Variants in CCDC180 observed in about 807,000 individuals in gnomAD.
CCDC180 encodes coiled-coil domain-containing protein 180.
Under a neutral mutation model 209.2 loss-of-function variants are expected in CCDC180, and 154 were observed. The observed-to-expected ratio is 0.74, with a 90% CI of 0.65 to 0.84. CCDC180 has a LOEUF of 0.84. Ranked by LOEUF, CCDC180 falls within the 40% of genes least tolerant of loss-of-function variation. CCDC180 has a pLI of 0.00. For synonymous variants in CCDC180, 778 were observed against 749.1 expected (o/e 1.04, Z -0.63); for missense variants, 1,874 against 1,997.3 (o/e 0.94, Z 1.18).
In CCDC180 at chr9:97,366,545, AC is replaced by A. The variant is rs1247365125; in HGVS notation, c.4048-11del. 5 of 1,613,040 alleles carry A rather than the reference AC, an allele frequency of 3.1e-6. No homozygotes were observed. The highest frequency in any genetic ancestry group is 4.2e-6 in the Non-Finnish European group (5 of 1,179,556). ...ATGGAGTCCTCACCCGCACATGGTC[AC>A]CCTCTCTGGCAGGAGTTCTACCGTA... On this transcript the variant is annotated splice_polypyrimidine_tract_variant and intron_variant, in intron 30 of 36. Transcript: ENST00000529487. This position sits in a 1 kb window ranked among gnomAD's most constrained non-coding sequence, Gnocchi z 4.3.
chr9:97,315,680 A>G (rs1002568554), intron 8 of CCDC180, among the ~76,000 whole-genome samples: 1 of 152,194 alleles, frequency 6.6e-6, no homozygotes, highest in African/African-American at 2.4e-5. Flanking sequence ...CTGGCAGCAC[A>G]GTAGGCTGAA....
chr9:97,314,363 C>G, intron 5 of CCDC180, 30 bp from the exon 6 acceptor site: 1 of 1,613,502 alleles, frequency 6.2e-7, no homozygotes, highest in Non-Finnish European at 8.5e-7. Flanking sequence ...GTGCTGATGC[C>G]TTGGCCATCA....
At position 97,309,592 on chromosome 9, in the gene CCDC180, C is replaced by G. The variant is rs1482618527; in HGVS notation, c.248C>G (p.Pro83Arg). The change falls in exon 3 of 37, where the codon CCT (proline) becomes CGT (arginine). Residue 83 changes from proline to arginine, a missense_variant. Physicochemically the swap from Pro to Arg is moderately radical, Grantham distance 103. Transcript: ENST00000529487. Reference sequence around the variant, plus strand: ...CCCAACGACTGGATCATGGAAAACCCTGTTCTCCACAGGTAGGTCCTGTTG... The same window carrying G: ...CCCAACGACTGGATCATGGAAAACCGTGTTCTCCACAGGTAGGTCCTGTTG... ...SLPNDWIMEN[P>R]VLHREKERAK... 6.3e-7 allele frequency: 1 copy of G among 1,584,250 alleles called. No individual in the cohort carries two copies. The highest frequency in any genetic ancestry group is 1.2e-5 in the South Asian group (1 of 86,384).
intron 11 of CCDC180, 43 bp from the exon 12 acceptor site, chr9:97,322,790 C>T: frequency 6.4e-7 from 1 of 1,567,374 alleles, no homozygotes; most frequent in East Asian, 2.2e-5. Flanking sequence ...TTCTAATCTT[C>T]TCTTCCTTCT....
At position 97,309,459 on chromosome 9, in the gene CCDC180, G is replaced by T. The variant is rs763115795; in HGVS notation, c.115G>T (p.Glu39Ter). 6.2e-7 allele frequency: 1 copy of T among 1,605,014 alleles called. No homozygotes were observed. Among genetic ancestry groups the T allele is most frequent in the Non-Finnish European group, 8.5e-7 (1 of 1,175,986 alleles). The change falls in exon 3 of 37, where the codon GAG becomes TAG. Residue 39 changes from glutamate (E) to a stop codon, truncating the protein, a stop_gained. Coordinates refer to ENST00000529487, the MANE Select transcript of CCDC180 (RefSeq NM_020893.6). LOFTEE classifies it high-confidence loss of function. ...SLAATRKRAA[E>*]RSVTLKSGRI... ...GGCGGCCACCAGGAAGCGGGCTGCA[G>T]AGCGTTCTGTGACCCTGAAGAGTGG...
chr9:97,313,426 C>T, intron 5 of CCDC180, 81 bp downstream of exon 5: 1 of 931,592 alleles, frequency 1.1e-6, no homozygotes, highest in Non-Finnish European at 1.7e-6. Context: ...GCCTTCCTCC[C>T]CCTCTCCAGC....
chr9:97,344,776 T>C (rs916714776), intron 19 of CCDC180, among the ~76,000 whole-genome samples: 2 of 152,188 alleles, frequency 1.3e-5, no homozygotes, highest in Admixed American at 1.3e-4. Context: ...TTCATAAAAG[T>C]ATGAAAATCA....
intron 24 of CCDC180, among the ~76,000 whole-genome samples, chr9:97,356,606 G>A (rs1378482155): frequency 6.6e-6 from 1 of 152,208 alleles, no homozygotes; most frequent in African/African-American, 2.4e-5. Context: ...CCAGGGAGCA[G>A]AGCCCACGGC....
intron 6 of CCDC180, 43 bp downstream of exon 6, chr9:97,314,564 G>A: frequency 6.2e-7 from 1 of 1,613,488 alleles, no homozygotes; most frequent in Non-Finnish European, 8.5e-7. Flanking sequence ...CCCAGGTCCT[G>A]CTTCTTCCCT....
intron 22 of CCDC180, among the ~76,000 whole-genome samples, chr9:97,353,738 G>C (rs1826487358): frequency 6.6e-6 from 1 of 152,214 alleles, no homozygotes; most frequent in African/African-American, 2.4e-5. Flanking sequence ...TCTAGTTTGT[G>C]TGATGAATTT....
At position 97,327,426 on chromosome 9, in the gene CCDC180, A is replaced by G. The variant is rs1587796448; in HGVS notation, c.1662-594A>G. 3.9e-5 allele frequency among the ~76,000 whole-genome samples: 6 copies of G among 152,318 alleles called. No individual in the cohort carries two copies. The South Asian group carries it at 1.2e-3, about 32-fold the overall frequency. On this transcript the variant is annotated intron_variant, in intron 15 of 36. Transcript: ENST00000529487. Reference sequence around the variant, plus strand: ...CCTTGTAGCATTCATTAATGTAGATACTTCATAATGGTTTAGCAATCCCTC... The same window carrying G: ...CCTTGTAGCATTCATTAATGTAGATGCTTCATAATGGTTTAGCAATCCCTC...
chr9:97,314,249 T>C, intron 5 of CCDC180, 144 bp from the exon 6 acceptor site: 1 of 875,506 alleles, frequency 1.1e-6, no homozygotes, highest in Non-Finnish European at 1.8e-6. Flanking sequence ...GTGAGCTGAG[T>C]AGTGAGCCTC....
In CCDC180 at chr9:97,361,864, G is replaced by A. The variant is rs1310616502; in HGVS notation, c.3622G>A (p.Asp1208Asn). 2 of 1,614,024 alleles carry A rather than the reference G, an allele frequency of 1.2e-6. No individual in the cohort carries two copies. Among genetic ancestry groups the A allele is most frequent in the African/African-American group, 2.7e-5 (2 of 74,908 alleles). Residue 1208 changes from aspartate (D) to asparagine (N), a missense_variant, in exon 27 of 37, where the codon GAC becomes AAC. By Grantham distance (23) the Asp-to-Asn change is conservative. Transcript: ENST00000529487. ...CCGCGTGGGGAAGCCCCTGATTGAG[G>A]ACCCAGCTGTGGATGTGATCAGGAA... is the stretch of plus-strand genomic sequence containing the variant. ...LSRVGKPLIE[D>N]PAVDVIRKLL...
At chr9:97,364,872 C>G (rs547244233) in intron 29 of CCDC180, among the ~76,000 whole-genome samples, 2 of 152,306 alleles carry the variant, frequency 1.3e-5, no homozygotes, top group East Asian at 3.9e-4. Context: ...ATCATTCTTT[C>G]AGCTAATCGA....
chr9:97,309,468 G>T lies in CCDC180; in HGVS notation c.124G>T (p.Val42Leu). The change falls in exon 3 of 37, where the codon GTG (valine) becomes TTG (leucine). Residue 42 changes from valine (V) to leucine (L), a missense_variant. Val to Leu is a conservative substitution (Grantham distance 32). Transcript: ENST00000529487. ...ATRKRAAERS[V>L]TLKSGRIPMM... ...CAGGAAGCGGGCTGCAGAGCGTTCT[G>T]TGACCCTGAAGAGTGGCAGGATACC... 6.2e-7 allele frequency: 1 copy of T among 1,607,052 alleles called. No individual in the cohort carries two copies. The highest frequency in any genetic ancestry group is 8.5e-7 in the Non-Finnish European group (1 of 1,176,876).
intron 19 of CCDC180, among the ~76,000 whole-genome samples, chr9:97,346,854 G>C (rs886650169): frequency 1.3e-5 from 2 of 152,172 alleles, no homozygotes; most frequent in Admixed American, 1.3e-4. Flanking sequence ...TGGGATCATA[G>C]GCATGAGCCA....
In CCDC180 at chr9:97,318,489, A is replaced by C; in HGVS notation, c.986A>C (p.His329Pro). ...GAGTTCATGGCCAGTGAGAGTATCC[A>C]TACTCCCCCGGCTGTGACGAAGGAG... is the stretch of plus-strand genomic sequence containing the variant. ...FSEFMASESI[H>P]TPPAVTKELE... The change falls in exon 10 of 37, where the codon CAT (histidine) becomes CCT (proline). Residue 329 changes from histidine to proline, a missense_variant. Physicochemically the swap from His to Pro is moderately conservative, Grantham distance 77 (BLOSUM62 -2). Transcript: ENST00000529487. 6.2e-7 allele frequency: 1 copy of C among 1,613,692 alleles called. No homozygotes were observed. Among genetic ancestry groups the C allele is most frequent in the Non-Finnish European group, 8.5e-7 (1 of 1,179,902 alleles).
At position 97,325,041 on chromosome 9, in the gene CCDC180, A is replaced by T. The variant is rs1833485424; in HGVS notation, c.1394A>T (p.Asp465Val). The T allele has an allele frequency of 6.2e-7, 1 of 1,613,886 alleles. No homozygotes were observed. Among genetic ancestry groups the T allele is most frequent in the South Asian group, 1.1e-5 (1 of 91,048 alleles). ...LLDKSFETLADQTEWQSSHLF... is the reference protein window; with the variant it reads ...LLDKSFETLAVQTEWQSSHLF... ...CAGAAATCCTTCGAGACTCTGGCAG[A>T]TCAGACAGAGTGGCAGAGTTCACAC... is the stretch of plus-strand genomic sequence containing the variant. The change falls in exon 14 of 37, where the codon GAT becomes GTT. Residue 465 changes from aspartate to valine, a missense_variant. Physicochemically the swap from Asp to Val is radical, Grantham distance 152. Coordinates refer to ENST00000529487, the MANE Select transcript of CCDC180 (RefSeq NM_020893.6).
intron 36 of CCDC180, chr9:97,375,950 A>T: frequency 3.9e-6 from 1 of 255,300 alleles, no homozygotes; most frequent in Non-Finnish European, 7.5e-6. Context: ...CAGCAGGAGC[A>T]GTCACAGCTC....
Sources: allele counts gnomAD v4.1 joint callset (sites outside exome capture counted in the v4.1 genomes callset), GRCh38; gene constraint gnomAD v4.1.1; non-coding constraint Gnocchi (gnomAD v3.1); transcripts MANE v1.5; gene names NCBI Gene and HGNC (gene_info 2026-07-23, HGNC 2026-07-21).